Variants in FAM20A observed in about 807,000 individuals in gnomAD.
The protein encoded by FAM20A is FAM20A golgi associated secretory pathway pseudokinase.
A neutral mutation model predicts 52.0 loss-of-function variants in FAM20A; 42 were observed. That is an observed-to-expected ratio of 0.81 (90% CI 0.63 to 1.04). FAM20A has a LOEUF of 1.04. Ranked by LOEUF, FAM20A falls within the 50% of genes least tolerant of loss-of-function variation. The pLI is 0.00. For synonymous variants in FAM20A, 304 were observed against 298.9 expected, an observed-to-expected ratio of 1.02 and a Z score of -0.18; for missense variants, 742 against 712.7, an observed-to-expected ratio of 1.04 and a Z score of -0.47.
chr17:68,600,576 C>T lies in FAM20A; in HGVS notation c.91G>A (p.Val31Ile), dbSNP rs771604738. The stretch of plus-strand genomic sequence containing the variant: ...TCCCGAGGCCGCAGCTGGCGCTGTA[C>T]TTGGGGCCAGAGGTGGAAGTAGAGG... ...ADLYFHLWPQ[V>I]QRQLRPRERP... Residue 31 changes from valine to isoleucine, a missense_variant, in exon 1 of 11, where the codon GTA becomes ATA. Transcript: ENST00000592554. This position sits in a 1 kb window ranked among gnomAD's most constrained non-coding sequence, Gnocchi z 6.2. 4 of 1,560,446 alleles carry T rather than the reference C, an allele frequency of 2.6e-6. No homozygotes were observed. Among genetic ancestry groups the T allele is most frequent in the African/African-American group, 2.7e-5 (2 of 73,942 alleles).
chr17:68,542,925 G>A lies in FAM20A; in HGVS notation c.813-116C>T, dbSNP rs144942126. ...GGCTGGTGTACCCAGGAGGGTGGCCGGTGAGGCGTGACTCTGCACTGTTGA... is the reference window on the plus strand; with the variant it reads ...GGCTGGTGTACCCAGGAGGGTGGCCAGTGAGGCGTGACTCTGCACTGTTGA... On this transcript the variant is annotated intron_variant, in intron 5 of 10. Transcript: ENST00000592554. 1.3e-3 allele frequency: 981 copies of A among 776,322 alleles called. 3 individuals are homozygous for A. The highest frequency in any genetic ancestry group is 0.01 in the African/African-American group (617 of 58,918). The allele number at this position is 776,322 out of a possible 1,614,324, so 48.1% of individuals were successfully genotyped here.
chr17:68,545,957 C>T (rs2086535886), intron 4 of FAM20A, among the ~76,000 whole-genome samples: 1 of 152,138 alleles, frequency 6.6e-6, no homozygotes, highest in Non-Finnish European at 1.5e-5. Context: ...ATCACGAGGT[C>T]AGGTGATTGA....
Position 68,600,355 on chromosome 17 carries a change from C to T in FAM20A, c.312G>A (p.Pro104=), listed in dbSNP as rs755465626. 2.5e-6 allele frequency: 4 copies of T among 1,600,506 alleles called. No individual in the cohort carries two copies. Among genetic ancestry groups the T allele is most frequent in the Non-Finnish European group, 3.4e-6 (4 of 1,174,604 alleles). Residue 104 remains proline, a synonymous_variant, in exon 1 of 11, where the codon CCG becomes CCA. Transcript: ENST00000592554. The surrounding 1 kb of genome is among the most constrained non-coding windows in gnomAD (Gnocchi z 6.2). ...ALFAHPLYNV[P]EEPPLLGAED... Reference sequence around the variant, plus strand: ...CGGCTCCCAGGAGAGGCGGCTCCTCCGGGACGTTGTACAGCGGGTGGGCGA... The same window carrying T: ...CGGCTCCCAGGAGAGGCGGCTCCTCTGGGACGTTGTACAGCGGGTGGGCGA...
In FAM20A at chr17:68,554,833, AAGG is replaced by A; in HGVS notation, c.590-9_590-7del. The A allele has an allele frequency of 6.2e-7, 1 of 1,614,110 alleles. No homozygotes were observed. Among genetic ancestry groups the A allele is most frequent in the Non-Finnish European group, 8.5e-7 (1 of 1,179,978 alleles). ...TTTCTCATCTTGACTGTAATCTGCA[AAGG>A]AGGAGAAGGGCAATGAGAACTTCCA... On this transcript the variant is annotated splice_polypyrimidine_tract_variant and splice_region_variant and intron_variant, in intron 2 of 10. Transcript: ENST00000592554.
intron 1 of FAM20A, among the ~76,000 whole-genome samples, chr17:68,557,854 A>G (rs976377255): frequency 1.3e-5 from 2 of 152,164 alleles, no homozygotes; most frequent in Non-Finnish European, 2.9e-5. Flanking sequence ...CTAAGAAAAC[A>G]TGATTTTATG....
intron 1 of FAM20A, among the ~76,000 whole-genome samples, chr17:68,576,965 G>A (rs1027875535): frequency 2.6e-5 from 4 of 152,138 alleles, no homozygotes; most frequent in African/African-American, 7.2e-5. Flanking sequence ...CAGACACCCT[G>A]GAGAAGAATG....
Position 68,537,681 on chromosome 17 carries a change from GCTGAGT to G in FAM20A, c.1416_1421del (p.Arg472_Leu473del), listed in dbSNP as rs2086133510. The G allele has an allele frequency of 6.2e-7, 1 of 1,613,486 alleles. No individual in the cohort carries two copies. Among genetic ancestry groups the G allele is most frequent in the Non-Finnish European group, 8.5e-7 (1 of 1,179,846 alleles). On this transcript the variant is annotated inframe_deletion, in exon 11 of 11. Transcript: ENST00000592554. The surrounding 1 kb of genome is among the most constrained non-coding windows in gnomAD (Gnocchi z 4.2). ...CCAGCAGTGATTCTCGCATCACATC[GCTGAGT>G]CTGTAGTCAGCTTGGGCCAGCAGCT...
chr17:68,571,255 T>C (rs2087527636), intron 1 of FAM20A, among the ~76,000 whole-genome samples: 1 of 152,192 alleles, frequency 6.6e-6, no homozygotes, highest in African/African-American at 2.4e-5. Flanking sequence ...AACTCTAAGT[T>C]TCCTGAGGGC....
At chr17:68,543,785 T>G (rs2086420465) in intron 4 of FAM20A, 64 bp from the exon 5 acceptor site, 1 of 1,363,610 alleles carries the variant, frequency 7.3e-7, no homozygotes, top group African/African-American at 1.4e-5. Flanking sequence ...AGAAGAGAGC[T>G]GATGAGCATG....
intron 1 of FAM20A, among the ~76,000 whole-genome samples, chr17:68,581,413 T>C (rs2087972745): frequency 6.8e-6 from 1 of 146,740 alleles, no homozygotes; most frequent in Non-Finnish European, 1.5e-5. Context: ...TTTCTTTCTT[T>C]CTTTTTCTCT....
At chr17:68,578,837 C>CT (rs2087850134) in intron 1 of FAM20A, among the ~76,000 whole-genome samples, 1 of 23,658 alleles carries the variant, frequency 4.2e-5, no homozygotes, top group Non-Finnish European at 7.5e-5. Context: ...ACTAAAAATA[C>CT]CAAAAAAAAA....
Position 68,542,124 on chromosome 17 carries a change from T to C in FAM20A, c.970A>G (p.Lys324Glu). ...CFFAKCPYMC[K>E]TEYAVCGNPH... ...TTGCCACAGACAGCATACTCCGTCT[T>C]GCACATGTATGGACACTTGGCGAAG... The change falls in exon 7 of 11, where the codon AAG becomes GAG. Residue 324 changes from lysine (K) to glutamate (E), a missense_variant. Lys to Glu is a moderately conservative substitution (Grantham distance 56). Transcript: ENST00000592554. 6.2e-7 allele frequency: 1 copy of C among 1,614,088 alleles called. No individual in the cohort carries two copies. Among genetic ancestry groups the C allele is most frequent in the Non-Finnish European group, 8.5e-7 (1 of 1,180,024 alleles).
intron 2 of FAM20A, 29 bp from the exon 3 acceptor site, chr17:68,554,856 C>T (rs781033330): frequency 6.2e-7 from 1 of 1,612,456 alleles, no homozygotes; most frequent in African/African-American, 1.3e-5. Context: ...GCAATGAGAA[C>T]TTCCAGTCTT....
At chr17:68,554,543 A>G (rs1391003616) in intron 3 of FAM20A, among the ~76,000 whole-genome samples, 1 of 152,190 alleles carries the variant, frequency 6.6e-6, no homozygotes, top group African/African-American at 2.4e-5. Flanking sequence ...CTCCTCAGTG[A>G]TGTTGATGAT....
At chr17:68,568,678 G>A (rs2087451522) in intron 1 of FAM20A, among the ~76,000 whole-genome samples, 2 of 151,472 alleles carry the variant, frequency 1.3e-5, no homozygotes, top group African/African-American at 4.9e-5. Flanking sequence ...CTGGTCTTGT[G>A]GCCACATCAT....
rs1182753203 is a variant in FAM20A at position 68,535,886 on chromosome 17, G to T, written c.*1591C>A. ...GGGTTTTGTGTTACAGTGAAAAGAA[G>T]ACTTTGGAATAGGTCTAAACCACTA... On this transcript the variant is annotated 3_prime_UTR_variant, in exon 11 of 11. Transcript: ENST00000592554. 1 of 453,848 alleles carries T rather than the reference G, an allele frequency of 2.2e-6. No individual in the cohort carries two copies. The highest frequency in any genetic ancestry group is 6.9e-5 in the East Asian group (1 of 14,392). The allele number at this position is 453,848 out of a possible 1,614,324, so 28.1% of individuals were successfully genotyped here.
chr17:68,540,561 C>A, intron 8 of FAM20A: 1 of 531,228 alleles, frequency 1.9e-6, no homozygotes, highest in Non-Finnish European at 3.6e-6. Flanking sequence ...TTTCCCCTCA[C>A]TTGGTGAAGT....
In FAM20A at chr17:68,536,411, G is replaced by T. The variant is rs1568713228; in HGVS notation, c.*1066C>A. ...TAAGAAACAAAGCCTCCTATTAAAA[G>T]GAGTTTCAGATATCAACAAGTCAGG... On this transcript the variant is annotated 3_prime_UTR_variant, in exon 11 of 11. Transcript: ENST00000592554. 2.2e-6 allele frequency: 1 copy of T among 454,102 alleles called. No individual in the cohort carries two copies. The highest frequency in any genetic ancestry group is 6.9e-5 in the East Asian group (1 of 14,396). 28.1% of individuals were successfully genotyped at this position (454,102 alleles called of 1,614,324 possible).
At chr17:68,555,244 G>T (rs1027294499) in intron 2 of FAM20A, among the ~76,000 whole-genome samples, 1 of 152,160 alleles carries the variant, frequency 6.6e-6, no homozygotes, top group Non-Finnish European at 1.5e-5. Flanking sequence ...CTGTAAAATG[G>T]CAATGGTAAT....
Sources: allele counts gnomAD v4.1 joint callset (sites outside exome capture counted in the v4.1 genomes callset), GRCh38; gene constraint gnomAD v4.1.1; non-coding constraint Gnocchi (gnomAD v3.1); transcripts MANE v1.5; gene names NCBI Gene and HGNC (gene_info 2026-07-23, HGNC 2026-07-21).